The following STARD13 variants were observed in gnomAD, a reference collection of about 807,000 sequenced individuals.
STARD13 encodes StAR related lipid transfer domain containing 13.
Under a neutral mutation model 106.4 loss-of-function variants are expected in STARD13, and 62 were observed. That is an observed-to-expected ratio of 0.58 (90% confidence interval 0.48 to 0.72). STARD13 has a LOEUF of 0.72. Ranked by LOEUF, STARD13 falls within the 30% of genes least tolerant of loss-of-function variation. The probability of loss-of-function intolerance (pLI) is 0.00; values close to 1 mark genes in which losing one functional copy is unlikely to be tolerated. For missense variants in STARD13, 1,387 were observed against 1,424.0 expected (o/e 0.97, Z 0.42); for synonymous variants, 565 against 553.0 (o/e 1.02, Z -0.31).
chr13:33,287,651 G>T (rs565299644), upstream of STARD13, among the ~76,000 whole-genome samples: 3 of 152,162 alleles, frequency 2.0e-5, no homozygotes, highest in African/African-American at 7.2e-5. Context: ...TGCCTGGAAG[G>T]TTCATGAGCC....
the STARD13 span, among the ~76,000 whole-genome samples, chr13:33,449,603 T>C: frequency 4.6e-5 from 7 of 152,192 alleles, no homozygotes; most frequent in Non-Finnish European, 1.0e-4. Flanking sequence ...TGTGGTTTCA[T>C]GAAAATTGTA....
chr13:33,607,443 C>T, the STARD13 span, among the ~76,000 whole-genome samples: 10 of 151,820 alleles, frequency 6.6e-5, no homozygotes, highest in East Asian at 7.8e-4. Flanking sequence ...ACTACAGGTG[C>T]GTGCCACCAC....
chr13:33,524,976 T>G, the STARD13 span, among the ~76,000 whole-genome samples: 1 of 152,134 alleles, frequency 6.6e-6, no homozygotes, highest in African/African-American at 2.4e-5. Flanking sequence ...ACCAAAATTT[T>G]GTATTCTTTG....
chr13:33,596,433 A>G, the STARD13 span, among the ~76,000 whole-genome samples: 2 of 152,158 alleles, frequency 1.3e-5, no homozygotes, highest in African/African-American at 4.8e-5. Flanking sequence ...AGTGATTCAT[A>G]ATGATTATAC....
At chr13:33,108,520 A>G (rs1254158523) in intron 12 of STARD13, among the ~76,000 whole-genome samples, 2 of 152,106 alleles carry the variant, frequency 1.3e-5, no homozygotes, top group Non-Finnish European at 2.9e-5. Flanking sequence ...AAGTAAGCCC[A>G]TCTCCCTTTC....
intron 1 of STARD13, among the ~76,000 whole-genome samples, chr13:33,246,983 G>C (rs1399202659): frequency 6.6e-6 from 1 of 152,028 alleles, no homozygotes; most frequent in Non-Finnish European, 1.5e-5. Flanking sequence ...GGTCGCCTGA[G>C]GTCAGGAGTT....
At chr13:33,551,568 C>CTT in the STARD13 span, among the ~76,000 whole-genome samples, 9 of 44,794 alleles carry the variant, frequency 2.0e-4, 4 homozygotes, top group Admixed American at 5.2e-4. Context: ...TTTGCTTTTC[C>CTT]CTTTTTTTTT....
Position 33,167,565 on chromosome 13 carries a change from G to C in STARD13, c.227C>G (p.Ala76Gly). Residue 76 changes from alanine to glycine, a missense_variant, in exon 2 of 14, where the codon GCT (alanine) becomes GGT (glycine). By Grantham distance (60) the Ala-to-Gly change is moderately conservative. Coordinates refer to ENST00000336934, the MANE Select transcript of STARD13 (RefSeq NM_178006.4). The stretch of plus-strand genomic sequence containing the variant: ...GGCTGACGTACCCTCATATAACTGA[G>C]CGTATTGCGGGAACCCGGCAGCACG... ...WLRAAGFPQY[A>G]QLYEDSQFPI... is the part of the protein sequence containing the mutation. 1 of 1,614,188 alleles carries C rather than the reference G, an allele frequency of 6.2e-7. No individual in the cohort carries two copies. Among genetic ancestry groups the C allele is most frequent in the Non-Finnish European group, 8.5e-7 (1 of 1,180,012 alleles).
the STARD13 span, among the ~76,000 whole-genome samples, chr13:33,495,499 C>T: frequency 1.3e-5 from 2 of 152,106 alleles, no homozygotes. Flanking sequence ...AGCTTGAACA[C>T]TTTCTTCATG....
chr13:33,459,481 A>C, the STARD13 span, among the ~76,000 whole-genome samples: 2 of 152,192 alleles, frequency 1.3e-5, no homozygotes, highest in South Asian at 4.1e-4. Context: ...TAGAGATAGC[A>C]CAATCTGTCT....
At chr13:33,264,282 A>G (rs536380269) in intron 1 of STARD13, among the ~76,000 whole-genome samples, 1 of 152,322 alleles carries the variant, frequency 6.6e-6, no homozygotes, top group East Asian at 1.9e-4. Flanking sequence ...CACAGAATCC[A>G]TGAGCATAAT....
chr13:33,665,367 C>G, the STARD13 span, among the ~76,000 whole-genome samples: 3 of 152,104 alleles, frequency 2.0e-5, no homozygotes, highest in Admixed American at 6.5e-5. Context: ...ACAAGACATG[C>G]AAGAAGCTAT....
At chr13:33,218,912 A>C (rs1217549735) in intron 1 of STARD13, among the ~76,000 whole-genome samples, 1 of 152,204 alleles carries the variant, frequency 6.6e-6, no homozygotes, top group African/African-American at 2.4e-5. Context: ...CACGGCACTG[A>C]AAAAACAGAG....
Position 33,285,632 on chromosome 13 carries a change from T to C in STARD13, c.7A>G (p.Ser3Gly). Reference sequence around the variant, plus strand: ...GAGGCTGGGGTCCTGGGCACCTGACTGAACATCTCGGCAGATTTCCTATTG... The same window carrying C: ...GAGGCTGGGGTCCTGGGCACCTGACCGAACATCTCGGCAGATTTCCTATTG... MF[S>G]QVPRTPASGC... is the part of the protein sequence containing the mutation. Residue 3 changes from serine (S) to glycine (G), a missense_variant, in exon 1 of 14, where the codon AGT becomes GGT. Coordinates refer to ENST00000336934, the MANE Select transcript of STARD13 (RefSeq NM_178006.4). 7 of 1,612,860 alleles carry C rather than the reference T, an allele frequency of 4.3e-6. No homozygotes were observed. The highest frequency in any genetic ancestry group is 5.1e-6 in the Non-Finnish European group (6 of 1,179,838).
At chr13:33,527,167 A>T in the STARD13 span, among the ~76,000 whole-genome samples, 4 of 152,114 alleles carry the variant, frequency 2.6e-5, no homozygotes, top group Non-Finnish European at 5.9e-5. Context: ...AGTGAACAAG[A>T]GTTTTCCATC....
At chr13:33,137,186 T>C (rs1272132134) in intron 4 of STARD13, among the ~76,000 whole-genome samples, 1 of 152,232 alleles carries the variant, frequency 6.6e-6, no homozygotes, top group Non-Finnish European at 1.5e-5. Context: ...AAAAGTATCT[T>C]AGTCTGTGGC....
At chr13:33,446,515 G>C in the STARD13 span, among the ~76,000 whole-genome samples, 1 of 151,684 alleles carries the variant, frequency 6.6e-6, no homozygotes, top group African/African-American at 2.4e-5. Flanking sequence ...ATTTCCTATA[G>C]ATCTGAGATA....
Position 33,127,495 on chromosome 13 carries a change from T to G in STARD13, c.1800A>C (p.Pro600=). Residue 600 remains proline, a synonymous_variant, in exon 6 of 14, where the codon CCA becomes CCC. Coordinates refer to ENST00000336934, the MANE Select transcript of STARD13 (RefSeq NM_178006.4). The part of the protein sequence containing the change: ...FQLSHQPRPA[P]ASPHISSQTA... Reference sequence around the variant, plus strand: ...TCTGGCTGCTGATGTGGGGCGATGCTGGGGCCGGCCGGGGCTGGTGCGACA... The same window carrying G: ...TCTGGCTGCTGATGTGGGGCGATGCGGGGGCCGGCCGGGGCTGGTGCGACA... 6.3e-7 allele frequency: 1 copy of G among 1,588,812 alleles called. No individual in the cohort carries two copies. The highest frequency in any genetic ancestry group is 1.7e-5 in the Admixed American group (1 of 57,506).
intron 1 of STARD13, among the ~76,000 whole-genome samples, chr13:33,263,109 A>G (rs1890730194): frequency 6.6e-6 from 1 of 152,156 alleles, no homozygotes; most frequent in Non-Finnish European, 1.5e-5. Flanking sequence ...GAAGGATTAT[A>G]AAACCCCCTG....
Sources: allele counts gnomAD v4.1 joint callset (sites outside exome capture counted in the v4.1 genomes callset), GRCh38; gene constraint gnomAD v4.1.1; transcripts MANE v1.5; gene names NCBI Gene and HGNC (gene_info 2026-07-23, HGNC 2026-07-21).